ADK: variants seen among roughly 807,000 people sequenced by gnomAD.
The protein encoded by ADK is N6,N6-dimethyladenosine kinase.
In ADK, 24 loss-of-function variants were observed where a neutral mutation model predicts 44.7. That is an observed-to-expected ratio of 0.54 (90% CI 0.39 to 0.76). The LOEUF is 0.76. Ranked by LOEUF, ADK falls within the 30% of genes least tolerant of loss-of-function variation. The probability of loss-of-function intolerance (pLI) is 0.00; values close to 1 mark genes in which losing one functional copy is unlikely to be tolerated. For missense variants in ADK, 321 were observed against 425.1 expected (o/e 0.76, Z 2.15); for synonymous variants, 128 against 142.6 (o/e 0.90, Z 0.73).
chr10:74,209,074 A>G (rs544998998), intron 2 of ADK, among the ~76,000 whole-genome samples: 5 of 152,256 alleles, frequency 3.3e-5, no homozygotes, highest in Non-Finnish European at 7.4e-5. Flanking sequence ...GAATGATGGT[A>G]TCCTCTCCAA....
At chr10:74,442,343 G>A (rs1241976262) in intron 6 of ADK, among the ~76,000 whole-genome samples, 1 of 152,028 alleles carries the variant, frequency 6.6e-6, no homozygotes, top group African/African-American at 2.4e-5. Flanking sequence ...CTCATTTTTG[G>A]ATATAAATCT....
At position 74,496,024 on chromosome 10, in the gene ADK, A is replaced by G. The variant is rs142769809; in HGVS notation, c.556-29232A>G. Among the ~76,000 whole-genome samples, 145 of 152,144 alleles carry G rather than the reference A, an allele frequency of 9.5e-4. 3 individuals are homozygous for G. The East Asian group carries it at 0.024, about 25-fold the overall frequency. ...ATTATCAGTATCTTCTAGTTTTTTT[A>G]CTAATATGGTTAGTTGTAATTTTTC... On this transcript the variant is annotated intron_variant, in intron 6 of 10. Coordinates refer to ENST00000539909, the MANE Select transcript of ADK (RefSeq NM_006721.4).
At chr10:74,413,928 G>A (rs1402419283) in intron 6 of ADK, among the ~76,000 whole-genome samples, 1 of 152,170 alleles carries the variant, frequency 6.6e-6, no homozygotes, top group East Asian at 1.9e-4. Flanking sequence ...TCAAGAAATA[G>A]GGAGGCCTTA....
At chr10:74,302,109 G>GTTTGT (rs1840068159) in intron 3 of ADK, among the ~76,000 whole-genome samples, 1 of 13,044 alleles carries the variant, frequency 7.7e-5, no homozygotes, top group African/African-American at 2.4e-4. Context: ...TTGTTTGTTT[G>GTTTGT]TTTTTTTTTT....
At chr10:74,407,058 A>G (rs944864699) in intron 6 of ADK, among the ~76,000 whole-genome samples, 11 of 151,112 alleles carry the variant, frequency 7.3e-5, no homozygotes, top group Admixed American at 4.0e-4. Flanking sequence ...TATTGGGTCA[A>G]TGCAACCCCC....
At chr10:74,168,651 C>G (rs1291377809) in intron 1 of ADK, among the ~76,000 whole-genome samples, 3 of 151,416 alleles carry the variant, frequency 2.0e-5, no homozygotes, top group Non-Finnish European at 4.4e-5. Flanking sequence ...CTCTCTGTGT[C>G]GCCCAGGCTG....
intron 4 of ADK, among the ~76,000 whole-genome samples, chr10:74,333,549 A>G (rs1056844372): frequency 6.6e-5 from 10 of 152,306 alleles, no homozygotes; most frequent in African/African-American, 1.9e-4. Flanking sequence ...TTGAGGGTTT[A>G]TCTTATTTGT....
In ADK at chr10:74,246,663, C is replaced by A. The variant is rs1342165166; in HGVS notation, c.194+22072C>A. Among the ~76,000 whole-genome samples the A allele has an allele frequency of 4.6e-5, 7 of 152,330 alleles. No homozygotes were observed. The East Asian group carries it at 1.4e-3, about 29-fold the overall frequency. ...CCTGTTTGGGATATTAGGCTGTTATCTGTCTCTCCTGATTTTTTAGAAAGT... is the reference window on the plus strand; with the variant it reads ...CCTGTTTGGGATATTAGGCTGTTATATGTCTCTCCTGATTTTTTAGAAAGT... On this transcript the variant is annotated intron_variant, in intron 3 of 10. Transcript: ENST00000539909.
At chr10:74,602,707 A>G (rs1325310392) in intron 9 of ADK, among the ~76,000 whole-genome samples, 1 of 152,222 alleles carries the variant, frequency 6.6e-6, no homozygotes, top group Non-Finnish European at 1.5e-5. Flanking sequence ...GCAATGCATG[A>G]TAAATACAAG....
chr10:74,165,072 G>T (rs1248917142), intron 1 of ADK, among the ~76,000 whole-genome samples: 2 of 152,118 alleles, frequency 1.3e-5, no homozygotes, highest in Non-Finnish European at 1.5e-5. Context: ...AGATGCCTAA[G>T]AGTGCCTGTT....
chr10:74,290,569 G>A (rs1591994128), intron 3 of ADK, among the ~76,000 whole-genome samples: 3 of 151,588 alleles, frequency 2.0e-5, no homozygotes, highest in Non-Finnish European at 4.4e-5. Flanking sequence ...GATGTTAAAT[G>A]CTTTTATGAA....
chr10:74,323,383 T>TG (rs1457328892), intron 4 of ADK, among the ~76,000 whole-genome samples: 1 of 152,202 alleles, frequency 6.6e-6, no homozygotes, highest in African/African-American at 2.4e-5. Flanking sequence ...AATATTTAAT[T>TG]GTATTGATTT....
In ADK at chr10:74,366,894, C is replaced by T. The variant is rs578243976; in HGVS notation, c.274-27247C>T. Among the ~76,000 whole-genome samples the T allele has an allele frequency of 3.0e-4, 45 of 152,320 alleles. 1 individual carries two copies. In the South Asian group the frequency reaches 8.9e-3, roughly 30 times the overall value. ...ACAGTGAGCCAAGATTGTGCCTCTG[C>T]ACTCCAGCCTAGGTAACAGAGCGAG... On this transcript the variant is annotated intron_variant, in intron 4 of 10. Transcript: ENST00000539909.
intron 10 of ADK, among the ~76,000 whole-genome samples, chr10:74,702,431 C>A (rs1286721540): frequency 6.6e-6 from 1 of 151,916 alleles, no homozygotes; most frequent in Non-Finnish European, 1.5e-5. Context: ...ATCCGCCCCC[C>A]TCGGCCTCCC....
intron 7 of ADK, among the ~76,000 whole-genome samples, chr10:74,526,906 A>G (rs1849062957): frequency 6.6e-6 from 1 of 152,242 alleles, no homozygotes; most frequent in African/African-American, 2.4e-5. Context: ...AGCCTTTTGA[A>G]TAACATTAAA....
chr10:74,458,049 A>G (rs909903785), intron 6 of ADK, among the ~76,000 whole-genome samples: 37 of 151,864 alleles, frequency 2.4e-4, no homozygotes, highest in African/African-American at 7.7e-4. Context: ...AAAAAGAAAA[A>G]GATTGGGTAT....
At chr10:74,608,399 C>A (rs190124029) in intron 9 of ADK, among the ~76,000 whole-genome samples, 1 of 152,116 alleles carries the variant, frequency 6.6e-6, no homozygotes, top group Non-Finnish European at 1.5e-5. Flanking sequence ...ATGCTGGTGA[C>A]CTTCGGATGG....
At chr10:74,586,868 A>T (rs7083096) in intron 7 of ADK, among the ~76,000 whole-genome samples, 3,305 of 150,654 alleles carry the variant, frequency 0.022, 42 homozygotes, top group Middle Eastern at 0.048. Context: ...AAAAAAAAAA[A>T]ATATATATGT....
At chr10:74,552,034 ATTG>A (rs1850053227) in intron 7 of ADK, among the ~76,000 whole-genome samples, 1 of 151,768 alleles carries the variant, frequency 6.6e-6, no homozygotes, top group Non-Finnish European at 1.5e-5. Context: ...ATTATTTTTT[ATTG>A]TTGGATTTTT....
Sources: allele counts gnomAD v4.1 joint callset (sites outside exome capture counted in the v4.1 genomes callset), GRCh38; gene constraint gnomAD v4.1.1; transcripts MANE v1.5; gene names NCBI Gene and HGNC (gene_info 2026-07-23, HGNC 2026-07-21).